The following NR3C2 variants were observed in gnomAD, a reference collection of about 807,000 sequenced individuals.
NR3C2 encodes mineralocorticoid receptor.
NR3C2 carries 15 observed loss-of-function variants against 86.4 expected under a neutral mutation model. The observed-to-expected ratio is 0.17, with a 90% CI of 0.12 to 0.27. NR3C2 has a LOEUF of 0.27. Among genes scored for constraint, NR3C2 ranks in the 10% least tolerant of loss-of-function variants. NR3C2 has a pLI of 1.00. For missense variants in NR3C2, 960 were observed against 1,195.6 expected, an observed-to-expected ratio of 0.80 and a Z score of 2.91; for synonymous variants, 458 against 450.5, an observed-to-expected ratio of 1.02 and a Z score of -0.21.
chr4:148,117,826 T>C (rs998835719), intron 7 of NR3C2, among the ~76,000 whole-genome samples: 3 of 152,136 alleles, frequency 2.0e-5, no homozygotes, highest in Admixed American at 6.5e-5. Context: ...CCAAATGACT[T>C]TACTGATCAC....
chr4:148,388,015 T>G (rs1179546986), intron 2 of NR3C2, among the ~76,000 whole-genome samples: 2 of 152,206 alleles, frequency 1.3e-5, no homozygotes, highest in Non-Finnish European at 2.9e-5. Context: ...ATAAGTCAGT[T>G]TGTTTAGAGT....
intron 2 of NR3C2, among the ~76,000 whole-genome samples, chr4:148,397,726 G>C (rs536768413): frequency 6.6e-6 from 1 of 152,144 alleles, no homozygotes; most frequent in South Asian, 2.1e-4. Context: ...AACTGAGAGT[G>C]AGCAGCTCAT....
chr4:148,189,003 T>C (rs1361024750), intron 4 of NR3C2, among the ~76,000 whole-genome samples: 1 of 150,276 alleles, frequency 6.7e-6, no homozygotes. Flanking sequence ...TCTTGGCTCA[T>C]TGCAACCTCC....
chr4:148,374,789 A>G (rs1746592448), intron 2 of NR3C2, among the ~76,000 whole-genome samples: 1 of 152,222 alleles, frequency 6.6e-6, no homozygotes, highest in South Asian at 2.1e-4. Flanking sequence ...AGAGCAGCTT[A>G]GTAGAAGCAG....
At chr4:148,437,150 T>C (rs1228781779) in intron 1 of NR3C2, among the ~76,000 whole-genome samples, 2 of 152,212 alleles carry the variant, frequency 1.3e-5, no homozygotes, top group Non-Finnish European at 2.9e-5. Context: ...AAAAAATATT[T>C]ACAAATGTTA....
At chr4:148,094,958 A>G (rs1480447968) in intron 8 of NR3C2, among the ~76,000 whole-genome samples, 1 of 152,142 alleles carries the variant, frequency 6.6e-6, no homozygotes, top group Non-Finnish European at 1.5e-5. Flanking sequence ...AAGAACAAAT[A>G]CTATATGATT....
intron 5 of NR3C2, 100 bp from the exon 6 acceptor site, chr4:148,152,713 A>G (rs1734159474): frequency 8.4e-7 from 1 of 1,189,832 alleles, no homozygotes; most frequent in Admixed American, 1.8e-5. Context: ...CCTTTCTTTC[A>G]CTTTTCTCTT....
At chr4:148,372,402 C>T (rs529403049) in intron 2 of NR3C2, among the ~76,000 whole-genome samples, 2 of 152,140 alleles carry the variant, frequency 1.3e-5, no homozygotes, top group African/African-American at 4.8e-5. Flanking sequence ...CTGATATTGA[C>T]CACTGTTTCT....
chr4:148,234,883 A>T (rs767816938), intron 3 of NR3C2, among the ~76,000 whole-genome samples: 1 of 152,080 alleles, frequency 6.6e-6, no homozygotes, highest in Non-Finnish European at 1.5e-5. Flanking sequence ...AATTCATGTC[A>T]TGGGGGTTTG....
intron 2 of NR3C2, among the ~76,000 whole-genome samples, chr4:148,398,259 C>CTTAAA (rs1458442812): frequency 2.0e-5 from 3 of 152,226 alleles, no homozygotes; most frequent in Non-Finnish European, 4.4e-5. Context: ...GGAGATGCTA[C>CTTAAA]TTAACCCACT....
chr4:148,442,338 G>C lies in NR3C2; in HGVS notation c.-181C>G, dbSNP rs775482234. The C allele has an allele frequency of 2.0e-5, 3 of 152,470 alleles. No homozygotes were observed. Among genetic ancestry groups the C allele is most frequent in the African/African-American group, 7.2e-5 (3 of 41,474 alleles). 9.4% of individuals were successfully genotyped at this position (152,470 alleles called of 1,614,324 possible). A position where few individuals can be genotyped will look rare whatever the true frequency, so the allele number is the denominator to read the frequency against. ...CTTGCACCCAGGTGACTGACTGCAC[G>C]GGCTTCCTCTGAGCAGCCTGAAGTT... On this transcript the variant is annotated 5_prime_UTR_variant, in exon 1 of 9. Transcript: ENST00000358102.
At chr4:148,083,866 C>T (rs567402075) in intron 8 of NR3C2, among the ~76,000 whole-genome samples, 40 of 152,010 alleles carry the variant, frequency 2.6e-4, no homozygotes, top group African/African-American at 3.6e-4. Context: ...ACAAGAACTT[C>T]GTGAAGCATA....
intron 3 of NR3C2, among the ~76,000 whole-genome samples, chr4:148,225,670 T>C (rs1738119466): frequency 6.6e-6 from 1 of 152,174 alleles, no homozygotes; most frequent in East Asian, 1.9e-4. Context: ...TCAATATCTC[T>C]TCTGTACTAG....
intron 4 of NR3C2, among the ~76,000 whole-genome samples, chr4:148,172,155 A>T (rs1257752056): frequency 1.3e-5 from 2 of 151,152 alleles, no homozygotes; most frequent in East Asian, 1.9e-4. Flanking sequence ...TCCCTCCTTT[A>T]CTGTAAGTCA....
intron 2 of NR3C2, among the ~76,000 whole-genome samples, chr4:148,366,045 A>G (rs1645809193): frequency 6.6e-6 from 1 of 152,210 alleles, no homozygotes; most frequent in Admixed American, 6.5e-5. Flanking sequence ...CATAAATTCA[A>G]ACCTTTTATT....
chr4:148,271,357 G>A (rs1740674391), intron 2 of NR3C2, among the ~76,000 whole-genome samples: 1 of 152,094 alleles, frequency 6.6e-6, no homozygotes, highest in Non-Finnish European at 1.5e-5. Flanking sequence ...GGAATCCTGA[G>A]TACTTTCTTT....
intron 3 of NR3C2, among the ~76,000 whole-genome samples, chr4:148,234,066 A>G (rs3846312): frequency 0.93 from 142,178 of 152,170 alleles, 67,139 homozygotes; most frequent in East Asian, 1. Context: ...GATCATTGAA[A>G]TAAGTGGCCC....
At chr4:148,336,262 C>G (rs1028286607) in intron 2 of NR3C2, among the ~76,000 whole-genome samples, 1 of 152,078 alleles carries the variant, frequency 6.6e-6, no homozygotes, top group Non-Finnish European at 1.5e-5. Context: ...TAGGGAAGAC[C>G]TAAGGCAGTG....
intron 2 of NR3C2, among the ~76,000 whole-genome samples, chr4:148,411,050 T>A (rs1748676058): frequency 6.6e-6 from 1 of 152,198 alleles, no homozygotes; most frequent in Admixed American, 6.5e-5. Flanking sequence ...TCTTGCTATA[T>A]TCCAACTACA....
Sources: allele counts gnomAD v4.1 joint callset (sites outside exome capture counted in the v4.1 genomes callset), GRCh38; gene constraint gnomAD v4.1.1; transcripts MANE v1.5; gene names NCBI Gene and HGNC (gene_info 2026-07-23, HGNC 2026-07-21).